The following DNMT3A variants were observed in gnomAD, a reference collection of about 807,000 sequenced individuals.
The protein encoded by DNMT3A is DNA (cytosine-5)-methyltransferase 3A.
A neutral mutation model predicts 117.6 loss-of-function variants in DNMT3A; 267 were observed. That is an observed-to-expected ratio of 2.27 (90% CI 2.05 to 2.51). The LOEUF is 2.51. Among genes scored for constraint, DNMT3A ranks in the 30% most tolerant of loss-of-function variants. DNMT3A has a pLI of 0.00. For synonymous variants in DNMT3A, 432 were observed against 474.8 expected, an observed-to-expected ratio of 0.91 and a Z score of 1.17; for missense variants, 1,029 against 1,260.2, an observed-to-expected ratio of 0.82 and a Z score of 2.78.
chr2:25,245,229 T>A (rs761469301), intron 13 of DNMT3A, 24 bp downstream of exon 13: 2 of 1,611,818 alleles, frequency 1.2e-6, no homozygotes. Context: ...CAACGGCACC[T>A]CTCCTGGGTG....
At chr2:25,259,763 C>T (rs937109531) in intron 6 of DNMT3A, among the ~76,000 whole-genome samples, 2 of 152,044 alleles carry the variant, frequency 1.3e-5, no homozygotes, top group African/African-American at 4.8e-5. Flanking sequence ...AAGGGAGGGG[C>T]CTAAAGGAGC....
chr2:25,301,518 C>A (rs2033514458), intron 2 of DNMT3A, among the ~76,000 whole-genome samples: 1 of 152,136 alleles, frequency 6.6e-6, no homozygotes, highest in African/African-American at 2.4e-5. Context: ...ACTCCCCGCC[C>A]CTCACATAAC....
At chr2:25,289,338 G>T (rs2032573183) in intron 3 of DNMT3A, among the ~76,000 whole-genome samples, 1 of 152,142 alleles carries the variant, frequency 6.6e-6, no homozygotes, top group Non-Finnish European at 1.5e-5. Context: ...GATCCCAGGT[G>T]ATCCATCCGC....
intron 2 of DNMT3A, among the ~76,000 whole-genome samples, chr2:25,308,732 G>C (rs1378489816): frequency 6.6e-6 from 1 of 152,136 alleles, no homozygotes; most frequent in Non-Finnish European, 1.5e-5. Flanking sequence ...TGACCATGTG[G>C]GGGCATCTGA....
intron 6 of DNMT3A, among the ~76,000 whole-genome samples, chr2:25,270,184 C>T (rs1278906075): frequency 1.3e-5 from 2 of 152,202 alleles, no homozygotes; most frequent in South Asian, 2.1e-4. Flanking sequence ...TCTTGTGCCT[C>T]GAGAGGTATG....
At chr2:25,242,546 C>T (rs1174824077) in intron 16 of DNMT3A, among the ~76,000 whole-genome samples, 1 of 152,202 alleles carries the variant, frequency 6.6e-6, no homozygotes, top group East Asian at 1.9e-4. Context: ...AAATGAACTT[C>T]TCTAGGTTTA....
At chr2:25,249,484 G>A in intron 6 of DNMT3A, 1 of 718,942 alleles carries the variant, frequency 1.4e-6, no homozygotes, top group African/African-American at 1.8e-5. Flanking sequence ...AGTGTGTATT[G>A]TTACCAGATT....
chr2:25,295,343 G>A (rs1269327731), intron 3 of DNMT3A, among the ~76,000 whole-genome samples: 3 of 152,230 alleles, frequency 2.0e-5, no homozygotes, highest in Non-Finnish European at 4.4e-5. Flanking sequence ...GCCCTGCCCT[G>A]CAGCTGACTT....
Position 25,247,632 on chromosome 2 carries a change from T to TG in DNMT3A, c.972dup (p.Thr325HisfsTer18). On this transcript the variant is annotated frameshift_variant, in exon 8 of 23. Coordinates refer to ENST00000321117, the MANE Select transcript of DNMT3A (RefSeq NM_022552.5). LOFTEE classifies it high-confidence loss of function. This position sits in a 1 kb window ranked among gnomAD's most constrained non-coding sequence, Gnocchi z 5.6. ...TCTCCGAACCACATGACCCAGCGGG[T>TG]GCCTTCAGCTGCTCGGCTCCGGCCC... The TG allele has an allele frequency of 6.2e-7, 1 of 1,613,684 alleles. No homozygotes were observed. The highest frequency in any genetic ancestry group is 8.5e-7 in the Non-Finnish European group (1 of 1,179,930).
chr2:25,331,508 C>T (rs1424001778), intron 1 of DNMT3A, among the ~76,000 whole-genome samples: 1 of 152,236 alleles, frequency 6.6e-6, no homozygotes, highest in Non-Finnish European at 1.5e-5. Flanking sequence ...ACATCAACTT[C>T]CAGCCCACCC....
chr2:25,307,514 G>C (rs968472413), intron 2 of DNMT3A, among the ~76,000 whole-genome samples: 1 of 138,494 alleles, frequency 7.2e-6, no homozygotes, highest in Non-Finnish European at 1.5e-5. Flanking sequence ...CACCCAGGCT[G>C]GAGTGCAATG....
At chr2:25,238,134 A>G (rs1307663658) in intron 20 of DNMT3A, among the ~76,000 whole-genome samples, 1 of 152,202 alleles carries the variant, frequency 6.6e-6, no homozygotes, top group East Asian at 1.9e-4. Context: ...GTCTGTCGGG[A>G]GACACTGAGT....
At chr2:25,250,539 C>T (rs1675389928) in intron 6 of DNMT3A, among the ~76,000 whole-genome samples, 2 of 152,206 alleles carry the variant, frequency 1.3e-5, no homozygotes, top group Admixed American at 6.5e-5. Flanking sequence ...ACTCTGCCCT[C>T]CCCTTCCTAC....
At position 25,246,246 on chromosome 2, in the gene DNMT3A, T is replaced by C. The variant is rs1674750751; in HGVS notation, c.1343A>G (p.Tyr448Cys). ...CTTTTTGGCTGGTGGAGGTGGTGCGTAGGCAGCTGCCTCAGGTTCCACCCA... is the reference window on the plus strand; with the variant it reads ...CTTTTTGGCTGGTGGAGGTGGTGCGCAGGCAGCTGCCTCAGGTTCCACCCA... ...DMWVEPEAAA[Y>C]APPPPAKKPR... Residue 448 changes from tyrosine (Y) to cysteine (C), a missense_variant, in exon 11 of 23, where the codon TAC becomes TGC. Tyr to Cys is a radical substitution (Grantham distance 194). Coordinates refer to ENST00000321117, the MANE Select transcript of DNMT3A (RefSeq NM_022552.5). 2 of 1,614,150 alleles carry C rather than the reference T, an allele frequency of 1.2e-6. No homozygotes were observed. Among genetic ancestry groups the C allele is most frequent in the African/African-American group, 1.3e-5 (1 of 75,040 alleles).
At chr2:25,289,713 A>G (rs1383318881) in intron 3 of DNMT3A, among the ~76,000 whole-genome samples, 1 of 152,220 alleles carries the variant, frequency 6.6e-6, no homozygotes, top group Non-Finnish European at 1.5e-5. Flanking sequence ...TGCCCAAGAA[A>G]GGCCGGGCAG....
rs1279364554 is a variant in DNMT3A at position 25,304,448 on chromosome 2, C to A, written c.73-4205G>T. On this transcript the variant is annotated intron_variant, in intron 2 of 22. Coordinates refer to ENST00000321117, the MANE Select transcript of DNMT3A (RefSeq NM_022552.5). This position sits in a 1 kb window ranked among gnomAD's most constrained non-coding sequence, Gnocchi z 4.3. ...CACTCCCACTCCATCCTCCCCATCC[C>A]CCTCTCCCTGCCTCGTGCAAATCCC... 6.6e-6 allele frequency among the ~76,000 whole-genome samples: 1 copy of A among 152,234 alleles called. No homozygotes were observed. Among genetic ancestry groups the A allele is most frequent in the Non-Finnish European group, 1.5e-5 (1 of 68,042 alleles).
chr2:25,313,782 G>C, intron 2 of DNMT3A, 131 bp downstream of exon 2: 1 of 1,355,242 alleles, frequency 7.4e-7, no homozygotes, highest in Admixed American at 2.4e-5. Flanking sequence ...GGGATGTGAT[G>C]GTCCCACACC....
At chr2:25,272,189 G>A (rs937376473) in intron 6 of DNMT3A, among the ~76,000 whole-genome samples, 1 of 152,198 alleles carries the variant, frequency 6.6e-6, no homozygotes, top group African/African-American at 2.4e-5. Flanking sequence ...GTTTCAACAT[G>A]TTGGCCAGGC....
intron 1 of DNMT3A, among the ~76,000 whole-genome samples, chr2:25,336,812 A>G (rs901424732): frequency 6.6e-5 from 10 of 152,124 alleles, no homozygotes; most frequent in African/African-American, 2.2e-4. Context: ...ACAGCCACCC[A>G]CAATGATGTC....
Sources: gnomAD v4.1 joint callset for allele counts (sites outside exome capture counted in the v4.1 genomes callset) on GRCh38, gnomAD v4.1.1 for gene constraint, Gnocchi (gnomAD v3.1) non-coding constraint, MANE v1.5 for transcripts, NCBI Gene and HGNC (gene_info 2026-07-23, HGNC 2026-07-21) for gene names.